Variants in MYO5B observed in about 807,000 individuals in gnomAD.
MYO5B encodes unconventional myosin-Vb.
A neutral mutation model predicts 229.3 loss-of-function variants in MYO5B; 143 were observed. That is an observed-to-expected ratio of 0.62 (90% CI 0.54 to 0.72). The LOEUF (loss-of-function observed/expected upper bound fraction) is 0.72, where lower values mean the gene tolerates loss of function less well. Among genes scored for constraint, MYO5B ranks in the 30% least tolerant of loss-of-function variants. The pLI is 0.00. For synonymous variants in MYO5B, 918 were observed against 885.2 expected (o/e 1.04, Z -0.66); for missense variants, 2,321 against 2,331.0 (o/e 1.00, Z 0.09).
intron 14 of MYO5B, among the ~76,000 whole-genome samples, chr18:49,947,978 G>C (rs796075413): frequency 1.3e-5 from 2 of 152,174 alleles, no homozygotes; most frequent in Admixed American, 6.5e-5. Context: ...TCGTCATTTA[G>C]CATTAGGTAT....
chr18:49,908,939 C>CT (rs1177264228), intron 18 of MYO5B, among the ~76,000 whole-genome samples: 1 of 152,202 alleles, frequency 6.6e-6, no homozygotes, highest in Non-Finnish European at 1.5e-5. Flanking sequence ...CTCCCCTAAA[C>CT]AACCACAACA....
chr18:50,048,900 T>C (rs923476981), intron 2 of MYO5B, among the ~76,000 whole-genome samples: 29 of 151,946 alleles, frequency 1.9e-4, no homozygotes, highest in Admixed American at 1.6e-3. Flanking sequence ...CATACGCTTG[T>C]AATCCCAGCT....
At chr18:50,150,874 C>T (rs2032588107) in intron 1 of MYO5B, among the ~76,000 whole-genome samples, 2 of 152,148 alleles carry the variant, frequency 1.3e-5, no homozygotes, top group Admixed American at 1.3e-4. Flanking sequence ...GTGGAAGCCA[C>T]AACATATAGC....
intron 1 of MYO5B, among the ~76,000 whole-genome samples, chr18:50,096,897 C>T (rs558106045): frequency 2.0e-4 from 31 of 152,286 alleles, no homozygotes; most frequent in African/African-American, 4.6e-4. Flanking sequence ...CTTCAGACAA[C>T]GTCTGCTCCC....
chr18:49,988,443 A>G (rs1418307184), intron 7 of MYO5B, among the ~76,000 whole-genome samples: 1 of 152,162 alleles, frequency 6.6e-6, no homozygotes, highest in African/African-American at 2.4e-5. Context: ...GTAGTTTTCA[A>G]GTGCTGCAGC....
In MYO5B at chr18:49,992,388, C is replaced by T. The variant is rs1053713532; in HGVS notation, c.656G>A (p.Arg219His). 9.3e-6 allele frequency: 15 copies of T among 1,614,006 alleles called. No individual in the cohort carries two copies. Among genetic ancestry groups the T allele is most frequent in the African/African-American group, 4.0e-5 (3 of 74,896 alleles). The change falls in exon 6 of 40, where the codon CGT (arginine) becomes CAT (histidine). Residue 219 changes from arginine to histidine, a missense_variant. By Grantham distance (29) the Arg-to-His change is conservative (BLOSUM62 0). Around this residue, in one of 2 missense-constraint regions of MYO5B, gnomAD observed 2,113 missense variants for 2,044.7 expected, o/e 1.03. Coordinates refer to ENST00000285039, the MANE Select transcript of MYO5B (RefSeq NM_001080467.3). ...GCCAATCTGGATGTACTTGCCAAAA[C>T]GGCTGCTGTTGTCATTGCGGGTGGT... The part of the protein sequence containing the change: ...AKTTRNDNSS[R>H]FGKYIQIGFD...
intron 29 of MYO5B, among the ~76,000 whole-genome samples, chr18:49,858,171 C>T (rs1217604): frequency 9.9e-5 from 15 of 152,026 alleles, no homozygotes; most frequent in Non-Finnish European, 7.4e-5. Flanking sequence ...AGTGGGGGTC[C>T]GATGTGCCTC....
At chr18:50,022,912 T>C (rs1281482420) in intron 4 of MYO5B, among the ~76,000 whole-genome samples, 3 of 152,002 alleles carry the variant, frequency 2.0e-5, no homozygotes, top group African/African-American at 7.2e-5. Context: ...CAGCCTAAAG[T>C]GGGAAGCTAA....
chr18:50,111,848 C>T (rs2031870624), intron 1 of MYO5B, among the ~76,000 whole-genome samples: 1 of 152,144 alleles, frequency 6.6e-6, no homozygotes, highest in African/African-American at 2.4e-5. Context: ...CAACTCATCC[C>T]CTCTTCCTAT....
In MYO5B at chr18:50,117,144, T is replaced by C. The variant is rs1225557570; in HGVS notation, c.28-61766A>G. Among the ~76,000 whole-genome samples the C allele has an allele frequency of 2.0e-5, 3 of 152,300 alleles. No homozygotes were observed. The East Asian group carries it at 5.8e-4, about 29-fold the overall frequency. On this transcript the variant is annotated intron_variant, in intron 1 of 39. Transcript: ENST00000285039. ...TTTTTTGGTCAAGATACGATTATGTTCTTTGGTCCCAATTTGGGGTGATTA... is the reference window on the plus strand; with the variant it reads ...TTTTTTGGTCAAGATACGATTATGTCCTTTGGTCCCAATTTGGGGTGATTA...
chr18:50,012,006 G>A (rs2026166321), intron 4 of MYO5B, among the ~76,000 whole-genome samples: 2 of 152,104 alleles, frequency 1.3e-5, no homozygotes, highest in South Asian at 2.1e-4. Context: ...AACGCTGACT[G>A]CAGAACCATT....
Position 49,857,160 on chromosome 18 carries a change from C to T in MYO5B, c.3945-270G>A, listed in dbSNP as rs374547827. 7.6e-4 allele frequency among the ~76,000 whole-genome samples: 116 copies of T among 152,362 alleles called. No individual in the cohort carries two copies. In the South Asian group the frequency reaches 0.016, roughly 21 times the overall value. On this transcript the variant is annotated intron_variant, in intron 29 of 39. Coordinates refer to ENST00000285039, the MANE Select transcript of MYO5B (RefSeq NM_001080467.3). Reference sequence around the variant, plus strand: ...TAACCCCAGGTGGGAAAGCATGCTGCCCCAGAGACAGCAGAGGGCCAGCTT... The same window carrying T: ...TAACCCCAGGTGGGAAAGCATGCTGTCCCAGAGACAGCAGAGGGCCAGCTT...
intron 1 of MYO5B, among the ~76,000 whole-genome samples, chr18:50,107,850 T>C (rs2031790541): frequency 6.6e-6 from 1 of 152,200 alleles, no homozygotes; most frequent in African/African-American, 2.4e-5. Context: ...AAGCCAAGGA[T>C]ACCACACCCT....
intron 8 of MYO5B, among the ~76,000 whole-genome samples, chr18:49,982,053 C>T (rs114822671): frequency 0.012 from 1,891 of 152,234 alleles, 39 homozygotes; most frequent in African/African-American, 0.043. Context: ...GAAGGATATA[C>T]TCCCTAGACA....
chr18:49,833,604 A>T (rs2023951356), intron 39 of MYO5B, among the ~76,000 whole-genome samples: 1 of 152,172 alleles, frequency 6.6e-6, no homozygotes, highest in Non-Finnish European at 1.5e-5. Flanking sequence ...TGTGGCATAT[A>T]TTTTTTAACC....
chr18:49,907,113 G>A (rs1010532237), intron 18 of MYO5B, among the ~76,000 whole-genome samples: 3 of 152,138 alleles, frequency 2.0e-5, no homozygotes, highest in Admixed American at 6.5e-5. Flanking sequence ...GTCCAGTGGT[G>A]CAACTGCTGG....
intron 14 of MYO5B, among the ~76,000 whole-genome samples, chr18:49,941,528 G>A (rs190593046): frequency 8.7e-4 from 132 of 152,258 alleles, no homozygotes; most frequent in African/African-American, 3.1e-3. Context: ...CCCTGCTAAG[G>A]ATACTGATGA....
At chr18:49,929,478 GC>G in intron 17 of MYO5B, 33 bp downstream of exon 17, 1 of 1,566,934 alleles carries the variant, frequency 6.4e-7, no homozygotes, top group Non-Finnish European at 8.7e-7. Flanking sequence ...CTCTAGGGCA[GC>G]CCCAGGAGGC....
At chr18:49,997,796 C>A (rs1367796415) in intron 5 of MYO5B, among the ~76,000 whole-genome samples, 2 of 152,142 alleles carry the variant, frequency 1.3e-5, no homozygotes, top group Non-Finnish European at 2.9e-5. Flanking sequence ...CCTCCTCAGA[C>A]CTTCAACTCT....
Sources: gnomAD v4.1 joint callset for allele counts (sites outside exome capture counted in the v4.1 genomes callset) on GRCh38, gnomAD v4.1.1 for gene constraint, gnomAD v4.1.1 regional missense constraint, MANE v1.5 for transcripts, NCBI Gene and HGNC (gene_info 2026-07-23, HGNC 2026-07-21) for gene names.